Variants in GPC6 observed in about 807,000 individuals in gnomAD.
GPC6 encodes glypican 6.
GPC6 carries 14 observed loss-of-function variants against 55.2 expected under a neutral mutation model. The ratio of observed to expected loss-of-function variants is 0.25; its 90% CI spans 0.17 to 0.40. The LOEUF is 0.40. GPC6 is among the 10% of genes least tolerant of loss of function. GPC6 has a pLI of 1.00. For missense variants in GPC6, 641 were observed against 708.5 expected (o/e 0.90, Z 1.08); for synonymous variants, 278 against 259.6 (o/e 1.07, Z -0.68).
intron 1 of GPC6, among the ~76,000 whole-genome samples, chr13:93,432,160 C>A (rs1012401154): frequency 6.6e-6 from 1 of 151,972 alleles, no homozygotes; most frequent in South Asian, 2.1e-4. Flanking sequence ...TTGAGCACAC[C>A]CTACCAAGCT....
chr13:93,962,353 A>G (rs1314818995), intron 3 of GPC6, among the ~76,000 whole-genome samples: 1 of 152,166 alleles, frequency 6.6e-6, no homozygotes, highest in African/African-American at 2.4e-5. Context: ...GAAAGGATAC[A>G]GAAAGAGAGA....
chr13:94,140,226 A>G (rs1342070363), intron 4 of GPC6, among the ~76,000 whole-genome samples: 1 of 152,178 alleles, frequency 6.6e-6, no homozygotes, highest in African/African-American at 2.4e-5. Flanking sequence ...TACATAACAT[A>G]AGATGTAGTA....
At chr13:94,110,313 G>A (rs1227415553) in intron 4 of GPC6, among the ~76,000 whole-genome samples, 1 of 152,048 alleles carries the variant, frequency 6.6e-6, no homozygotes, top group Non-Finnish European at 1.5e-5. Flanking sequence ...TCCAGGAGAG[G>A]CATGTAGAAT....
intron 2 of GPC6, among the ~76,000 whole-genome samples, chr13:93,588,728 A>G (rs1281318797): frequency 3.9e-5 from 6 of 152,230 alleles, no homozygotes; most frequent in African/African-American, 1.4e-4. Context: ...ATGGGCACTC[A>G]CTATCATGCG....
At chr13:93,376,031 T>C (rs1874879841) in intron 1 of GPC6, among the ~76,000 whole-genome samples, 1 of 148,964 alleles carries the variant, frequency 6.7e-6, no homozygotes, top group East Asian at 2.0e-4. Context: ...ATTTGTGCAA[T>C]AGATCATGCA....
At chr13:93,529,653 A>T (rs1004959661) in intron 1 of GPC6, among the ~76,000 whole-genome samples, 2 of 150,336 alleles carry the variant, frequency 1.3e-5, no homozygotes, top group Non-Finnish European at 2.9e-5. Context: ...AGTAGCTGGG[A>T]TTACAGGTGC....
At chr13:94,297,194 A>G (rs1875386726) in intron 5 of GPC6, among the ~76,000 whole-genome samples, 1 of 152,052 alleles carries the variant, frequency 6.6e-6, no homozygotes, top group Non-Finnish European at 1.5e-5. Context: ...ATTCTATAAT[A>G]ATTGCCTGAT....
chr13:94,120,961 G>A (rs1445251944), intron 4 of GPC6, among the ~76,000 whole-genome samples: 2 of 151,106 alleles, frequency 1.3e-5, no homozygotes, highest in Non-Finnish European at 3.0e-5. Flanking sequence ...GTCTCTGGGT[G>A]ATCTCTGTTA....
At chr13:94,119,127 T>C (rs7992328) in intron 4 of GPC6, among the ~76,000 whole-genome samples, 8,330 of 152,074 alleles carry the variant, frequency 0.055, 779 homozygotes, top group African/African-American at 0.19. Context: ...TATCCTCATA[T>C]ATTCACTCAT....
At chr13:93,966,383 T>G (rs1880043854) in intron 3 of GPC6, among the ~76,000 whole-genome samples, 1 of 152,212 alleles carries the variant, frequency 6.6e-6, no homozygotes, top group Non-Finnish European at 1.5e-5. Context: ...GTATATTTCC[T>G]TTACAGGGTA....
intron 6 of GPC6, among the ~76,000 whole-genome samples, chr13:94,358,674 C>G (rs1878916054): frequency 6.6e-6 from 1 of 152,168 alleles, no homozygotes. Flanking sequence ...GGTCTAGTAC[C>G]TGTGTCTGTA....
intron 4 of GPC6, among the ~76,000 whole-genome samples, chr13:94,151,551 C>A (rs1316271929): frequency 6.6e-6 from 1 of 152,114 alleles, no homozygotes; most frequent in Non-Finnish European, 1.5e-5. Flanking sequence ...GTTATTTGAG[C>A]TCAACAGTGT....
intron 3 of GPC6, among the ~76,000 whole-genome samples, chr13:93,865,437 TCTG>T (rs1360814259): frequency 6.6e-6 from 1 of 151,710 alleles, no homozygotes; most frequent in Non-Finnish European, 1.5e-5. Context: ...GATTATGACT[TCTG>T]CTCTGCAGAC....
At chr13:94,009,958 A>C (rs1882176791) in intron 3 of GPC6, among the ~76,000 whole-genome samples, 2 of 152,190 alleles carry the variant, frequency 1.3e-5, no homozygotes, top group African/African-American at 4.8e-5. Context: ...TTTTGACTGG[A>C]AATTTCAGAA....
At chr13:93,265,155 A>G (rs1877281068) in intron 1 of GPC6, among the ~76,000 whole-genome samples, 1 of 152,250 alleles carries the variant, frequency 6.6e-6, no homozygotes, top group Admixed American at 6.5e-5. Context: ...CTGAGAGGAA[A>G]TTATAGTAAG....
intron 4 of GPC6, among the ~76,000 whole-genome samples, chr13:94,215,289 A>C (rs1009915135): frequency 1.3e-5 from 2 of 152,054 alleles, no homozygotes; most frequent in South Asian, 4.2e-4. Flanking sequence ...TCTCAACATC[A>C]CCAATCAGTT....
intron 3 of GPC6, among the ~76,000 whole-genome samples, chr13:93,965,776 T>G (rs1301440600): frequency 6.6e-6 from 1 of 152,048 alleles, no homozygotes; most frequent in Non-Finnish European, 1.5e-5. Flanking sequence ...TTAGGTCACC[T>G]CAGAGGAGAC....
intron 1 of GPC6, among the ~76,000 whole-genome samples, chr13:93,340,105 G>A (rs567652810): frequency 7.5e-5 from 10 of 133,742 alleles, no homozygotes; most frequent in Admixed American, 5.5e-4. Flanking sequence ...GCGCGATCTC[G>A]GCTCACTGCA....
chr13:94,251,731 CA>C (rs1566594630), intron 4 of GPC6, among the ~76,000 whole-genome samples: 1 of 134,550 alleles, frequency 7.4e-6, no homozygotes, highest in Non-Finnish European at 1.6e-5. Flanking sequence ...AAAACAAAAA[CA>C]AAACAAACTG....
Sources: gnomAD v4.1 joint callset for allele counts (sites outside exome capture counted in the v4.1 genomes callset) on GRCh38, gnomAD v4.1.1 for gene constraint, MANE v1.5 for transcripts, NCBI Gene and HGNC (gene_info 2026-07-23, HGNC 2026-07-21) for gene names.